The following ELF2 variants were observed in gnomAD, a reference collection of about 807,000 sequenced individuals.
ELF2 encodes E74 like ETS transcription factor 2, also known as ETS-related transcription factor Elf-2.
In ELF2, 11 loss-of-function variants were observed where a neutral mutation model predicts 54.8. That is an observed-to-expected ratio of 0.20 (90% CI 0.13 to 0.33). ELF2 has a LOEUF of 0.33. ELF2 is among the 10% of genes least tolerant of loss of function. ELF2 has a pLI of 1.00. For synonymous variants in ELF2, 203 were observed against 245.1 expected (o/e 0.83, Z 1.61); for missense variants, 513 against 703.0 (o/e 0.73, Z 3.06).
chr4:139,131,973 A>C (rs1324272887), intron 3 of ELF2, among the ~76,000 whole-genome samples: 1 of 152,184 alleles, frequency 6.6e-6, no homozygotes, highest in Non-Finnish European at 1.5e-5. Context: ...GAGCCATAGA[A>C]TAGTACTGTT....
chr4:139,078,194 T>A (rs1730587087), intron 4 of ELF2, among the ~76,000 whole-genome samples: 1 of 152,178 alleles, frequency 6.6e-6, no homozygotes, highest in Non-Finnish European at 1.5e-5. Flanking sequence ...CAGCTTTGCA[T>A]AAAAGAATGC....
intron 3 of ELF2, 134 bp from the exon 4 acceptor site, chr4:139,125,463 G>A (rs1465228157): frequency 4.0e-5 from 41 of 1,016,678 alleles, no homozygotes; most frequent in Non-Finnish European, 5.5e-5. Flanking sequence ...GAATGTAAAA[G>A]CCAAAACAAG....
At chr4:139,146,463 C>G (rs927219194) in intron 1 of ELF2, among the ~76,000 whole-genome samples, 1 of 152,164 alleles carries the variant, frequency 6.6e-6, no homozygotes, top group Non-Finnish European at 1.5e-5. Flanking sequence ...AAGCAATCTA[C>G]AGATTCAATA....
intron 9 of ELF2, 85 bp downstream of exon 9, chr4:139,060,239 T>C (rs1727631011): frequency 1.6e-6 from 2 of 1,238,140 alleles, no homozygotes; most frequent in Admixed American, 2.9e-5. Flanking sequence ...AGAACACTAA[T>C]ATTAAGCAAA....
At chr4:139,059,912 A>G (rs774325548) in intron 9 of ELF2, among the ~76,000 whole-genome samples, 47 of 151,688 alleles carry the variant, frequency 3.1e-4, no homozygotes, top group Non-Finnish European at 6.0e-4. Context: ...TAGTGGTGCA[A>G]TCTTAGCTCA....
At position 139,165,244 on chromosome 4, in the gene ELF2, A is replaced by C. The variant is rs6844048; in HGVS notation, c.-252+11723T>G. ...ATGTAACTTTCTGTATTGCTTTTGAAATCTTTTGATTATTACTGTGGTTAA... is the reference window on the plus strand; with the variant it reads ...ATGTAACTTTCTGTATTGCTTTTGACATCTTTTGATTATTACTGTGGTTAA... On this transcript the variant is annotated intron_variant, in intron 1 of 9. Transcript: ENST00000686138. Among the ~76,000 whole-genome samples, 1,242 of 152,246 alleles carry C rather than the reference A, an allele frequency of 8.2e-3. 19 individuals are homozygous for C. Among genetic ancestry groups the C allele is most frequent in the African/African-American group, 0.029 (1,186 of 41,530 alleles).
chr4:139,170,345 A>G (rs1478436049), intron 1 of ELF2, among the ~76,000 whole-genome samples: 1 of 141,434 alleles, frequency 7.1e-6, no homozygotes, highest in Non-Finnish European at 1.5e-5. Flanking sequence ...GCTCACTGCA[A>G]TCTCTGCCTC....
At chr4:139,108,714 C>T (rs1734663836) in intron 4 of ELF2, among the ~76,000 whole-genome samples, 1 of 151,772 alleles carries the variant, frequency 6.6e-6, no homozygotes, top group African/African-American at 2.4e-5. Context: ...AAGAAGGCAA[C>T]AAAACATACC....
intron 4 of ELF2, among the ~76,000 whole-genome samples, chr4:139,079,519 G>A (rs1468594766): frequency 1.3e-5 from 2 of 152,202 alleles, no homozygotes. Context: ...GAGAAGCGCA[G>A]CTGTAATTCA....
chr4:139,163,922 GGAGGGAGGGAGAGACA>G (rs1226249272), intron 1 of ELF2, among the ~76,000 whole-genome samples: 3 of 150,442 alleles, frequency 2.0e-5, no homozygotes, highest in African/African-American at 7.3e-5. Context: ...TAGGAAGGAA[GGAGGGAGGGAGAGACA>G]GAGGGAGGGG....
chr4:139,064,421 C>T (rs17050684), intron 7 of ELF2, among the ~76,000 whole-genome samples: 2,202 of 152,316 alleles, frequency 0.014, 69 homozygotes, highest in African/African-American at 0.049. Context: ...AAGATACAGG[C>T]TATGTGGGAA....
intron 4 of ELF2, among the ~76,000 whole-genome samples, chr4:139,076,445 A>G (rs1265698075): frequency 1.3e-5 from 2 of 152,080 alleles, no homozygotes; most frequent in Non-Finnish European, 2.9e-5. Flanking sequence ...ACTAAGAAAA[A>G]AAAAAAACCT....
At chr4:139,069,420 A>G (rs534571213) in intron 6 of ELF2, among the ~76,000 whole-genome samples, 60 of 152,368 alleles carry the variant, frequency 3.9e-4, no homozygotes, top group Non-Finnish European at 6.9e-4. Flanking sequence ...TTAATTACTC[A>G]ATGTAAATAA....
chr4:139,173,847 A>G (rs1374081052), intron 1 of ELF2, among the ~76,000 whole-genome samples: 1 of 151,450 alleles, frequency 6.6e-6, no homozygotes, highest in Non-Finnish European at 1.5e-5. Flanking sequence ...CAGCACTTTG[A>G]GAGGCCAAAG....
intron 4 of ELF2, among the ~76,000 whole-genome samples, chr4:139,075,124 C>G (rs113329899): frequency 1.3e-5 from 2 of 152,178 alleles, no homozygotes; most frequent in African/African-American, 4.8e-5. Flanking sequence ...CAAATTCTAC[C>G]ACGCTTTGTA....
At chr4:139,064,035 G>A (rs1233947945) in intron 7 of ELF2, among the ~76,000 whole-genome samples, 2 of 152,156 alleles carry the variant, frequency 1.3e-5, no homozygotes, top group Non-Finnish European at 2.9e-5. Flanking sequence ...AAGGCTGGAC[G>A]AGGTGGCTCA....
intron 1 of ELF2, among the ~76,000 whole-genome samples, chr4:139,159,591 G>A (rs1353026962): frequency 6.6e-6 from 1 of 152,152 alleles, no homozygotes; most frequent in Non-Finnish European, 1.5e-5. Context: ...TGAGCCATGG[G>A]ATCTGATGCC....
Position 139,063,855 on chromosome 4 carries a change from TA to T in ELF2, c.614-1799del, listed in dbSNP as rs560449723. Among the ~76,000 whole-genome samples, 696 of 145,116 alleles carry T rather than the reference TA, an allele frequency of 4.8e-3. 24 individuals are homozygous for T. Among genetic ancestry groups the T allele is most frequent in the Admixed American group, 0.04 (578 of 14,560 alleles). On this transcript the variant is annotated intron_variant, in intron 7 of 9. Coordinates refer to ENST00000686138, the MANE Select transcript of ELF2 (RefSeq NM_001331036.3). Reference sequence around the variant, plus strand: ...AAGAACAAAAAGGAATCTGGGCAAGTAAAAAAAAAAAACTTAATCCCAAAAG... The same window carrying T: ...AAGAACAAAAAGGAATCTGGGCAAGTAAAAAAAAAAACTTAATCCCAAAAG...
chr4:139,176,279 G>A (rs1008631934), intron 1 of ELF2, among the ~76,000 whole-genome samples: 1 of 152,222 alleles, frequency 6.6e-6, no homozygotes, highest in African/African-American at 2.4e-5. Context: ...CGGTGCCGGC[G>A]TGGAGAGCGA....
Sources: gnomAD v4.1 joint callset for allele counts (sites outside exome capture counted in the v4.1 genomes callset) on GRCh38, gnomAD v4.1.1 for gene constraint, MANE v1.5 for transcripts, NCBI Gene and HGNC (gene_info 2026-07-23, HGNC 2026-07-21) for gene names.